The following CHRND variants were observed in gnomAD, a reference collection of about 807,000 sequenced individuals.
The protein encoded by CHRND is cholinergic receptor nicotinic delta subunit, also known as acetylcholine receptor subunit delta.
Under a neutral mutation model 57.8 loss-of-function variants are expected in CHRND, and 40 were observed. The ratio of observed to expected loss-of-function variants is 0.69; its 90% CI spans 0.54 to 0.90. The LOEUF (loss-of-function observed/expected upper bound fraction) is 0.90, where lower values mean the gene tolerates loss of function less well. Among genes scored for constraint, CHRND ranks in the 40% least tolerant of loss-of-function variants. The probability of loss-of-function intolerance (pLI) is 0.00; values close to 1 mark genes in which losing one functional copy is unlikely to be tolerated. For synonymous variants in CHRND, 237 were observed against 270.6 expected (o/e 0.88, Z 1.22); for missense variants, 634 against 673.9 (o/e 0.94, Z 0.66).
At chr2:232,532,771 G>A (rs1691752713) in intron 9 of CHRND, among the ~76,000 whole-genome samples, 1 of 152,204 alleles carries the variant, frequency 6.6e-6, no homozygotes, top group Non-Finnish European at 1.5e-5. Context: ...GGTACTGAGT[G>A]GGGGCAGGTG....
In CHRND at chr2:232,528,594, C is replaced by T. The variant is rs371097455; in HGVS notation, c.447C>T (p.Ser149=). 1 of 1,614,078 alleles carries T rather than the reference C, an allele frequency of 6.2e-7. No individual in the cohort carries two copies. The highest frequency in any genetic ancestry group is 1.3e-5 in the African/African-American group (1 of 74,926). ...GGCTGCCACCTGCCATCTTCCGCTC[C>T]TCCTGCCCCATCTCTGTCACCTATT... ...VYWLPPAIFR[S]SCPISVTYFP... is the part of the protein sequence containing the mutation. Residue 149 remains serine, a synonymous_variant, in exon 5 of 12, where the codon TCC becomes TCT. Coordinates refer to ENST00000258385, the MANE Select transcript of CHRND (RefSeq NM_000751.3).
Position 232,531,536 on chromosome 2 carries a change from C to G in CHRND, c.933-6C>G, listed in dbSNP as rs920100609. 5.0e-6 allele frequency: 8 copies of G among 1,614,076 alleles called. No individual in the cohort carries two copies. Among genetic ancestry groups the G allele is most frequent in the Admixed American group, 1.7e-5 (1 of 60,014 alleles). On this transcript the variant is annotated splice_region_variant and splice_polypyrimidine_tract_variant and intron_variant, in intron 8 of 11. Coordinates refer to ENST00000258385, the MANE Select transcript of CHRND (RefSeq NM_000751.3). ...TGGGAGCTCCAAGCTGAGTGTTTGC[C>G]CACAGGTTCCTGCTCTTCGGCATGG...
intron 6 of CHRND, 35 bp from the exon 7 acceptor site, chr2:232,529,904 G>A (rs1691618606): frequency 5.0e-6 from 8 of 1,610,948 alleles, no homozygotes; most frequent in Non-Finnish European, 6.8e-6. Flanking sequence ...CCCTTGGCCT[G>A]GCCTGACCCT....
chr2:232,527,527 G>C, intron 3 of CHRND, 82 bp downstream of exon 3: 7 of 997,732 alleles, frequency 7.0e-6, no homozygotes, highest in Non-Finnish European at 1.1e-5. Flanking sequence ...GGTGGATCAC[G>C]AGGTCAGGAG....
At chr2:232,534,577 C>A (rs1371421249) in intron 11 of CHRND, among the ~76,000 whole-genome samples, 1 of 152,110 alleles carries the variant, frequency 6.6e-6, no homozygotes, top group Non-Finnish European at 1.5e-5. Context: ...CCTGTCCAGG[C>A]CACACTCTGA....
Position 232,535,670 on chromosome 2 carries a change from G to A in CHRND, c.*358G>A. 1 of 485,346 alleles carries A rather than the reference G, an allele frequency of 2.1e-6. No individual in the cohort carries two copies. Among genetic ancestry groups the A allele is most frequent in the Non-Finnish European group, 4.0e-6 (1 of 248,228 alleles). The allele number at this position is 485,346 out of a possible 1,614,324, so 30.1% of individuals were successfully genotyped here. A position where few individuals can be genotyped will look rare whatever the true frequency, so the allele number is the denominator to read the frequency against. ...CTGCTTCTCCTCCCCCAAGGTGTGG[G>A]GTAGAGCAGGCAGGAATCTGCGCCT... On this transcript the variant is annotated 3_prime_UTR_variant, in exon 12 of 12. Transcript: ENST00000258385.
At chr2:232,529,525 C>T (rs1691606337) in intron 6 of CHRND, among the ~76,000 whole-genome samples, 1 of 152,196 alleles carries the variant, frequency 6.6e-6, no homozygotes, top group Non-Finnish European at 1.5e-5. Context: ...TCCCCAAGGC[C>T]CAGGCCGAGG....
chr2:232,531,293 C>A, intron 7 of CHRND, 59 bp from the exon 8 acceptor site: 2 of 941,652 alleles, frequency 2.1e-6, no homozygotes, highest in South Asian at 1.7e-5. Context: ...GCCCCAAGGT[C>A]ACAGCTGGAC....
At chr2:232,531,946 CAAAAAAAAAA>C (rs778006115) in intron 9 of CHRND, among the ~76,000 whole-genome samples, 17 of 46,064 alleles carry the variant, frequency 3.7e-4, no homozygotes, top group African/African-American at 1.4e-3. Flanking sequence ...GACCTTGTCT[CAAAAAAAAAA>C]AAAAAAAAAA....
rs774771779 is a variant in CHRND at position 232,526,608 on chromosome 2, C to T, written c.132C>T (p.Pro44=). Residue 44 remains proline, a synonymous_variant, in exon 2 of 12, where the codon CCC becomes CCT. Coordinates refer to ENST00000258385, the MANE Select transcript of CHRND (RefSeq NM_000751.3). ...AGGGCTACAACAAGGAGCTCCGGCC[C>T]GTGGCACACAAAGAGGAGAGTGTGG... ...QEKGYNKELR[P]VAHKEESVDV... The T allele has an allele frequency of 1.1e-5, 17 of 1,613,714 alleles. No homozygotes were observed. The highest frequency in any genetic ancestry group is 2.2e-5 in the East Asian group (1 of 44,892).
rs1416558563 is a variant in CHRND at position 232,530,042 on chromosome 2, C to G, written c.723C>G (p.Ile241Met). The change falls in exon 7 of 12, where the codon ATC becomes ATG. Residue 241 changes from isoleucine (I) to methionine (M), a missense_variant. Physicochemically the swap from Ile to Met is conservative, Grantham distance 10. Coordinates refer to ENST00000258385, the MANE Select transcript of CHRND (RefSeq NM_000751.3). ...PSRQDITFYL[I>M]IRRKPLFYII... ...GCCAGGACATCACCTTCTACCTCAT[C>G]ATCCGCCGCAAGCCCCTCTTCTACA... 3 of 1,614,072 alleles carry G rather than the reference C, an allele frequency of 1.9e-6. No homozygotes were observed. In the Admixed American group the frequency reaches 5.0e-5, roughly 27 times the overall value.
Position 232,534,231 on chromosome 2 carries a change from C to T in CHRND, c.1260C>T (p.Pro420=). Residue 420 remains proline, a synonymous_variant, in exon 11 of 12, where the codon CCC becomes CCT. Coordinates refer to ENST00000258385, the MANE Select transcript of CHRND (RefSeq NM_000751.3). ...LARRLTTARR[P]PASSEQAQQE... is the part of the protein sequence containing the mutation. ...CTGGCCCCTCGTCTGTAGGCCGGCC[C>T]CCAGCAAGCTCTGAGCAGGCCCAGC... 6.2e-7 allele frequency: 1 copy of T among 1,614,206 alleles called. No individual in the cohort carries two copies. The highest frequency in any genetic ancestry group is 8.5e-7 in the Non-Finnish European group (1 of 1,180,046).
intron 11 of CHRND, 152 bp from the exon 12 acceptor site, chr2:232,534,978 C>T (rs947233955): frequency 4.7e-6 from 4 of 859,226 alleles, no homozygotes; most frequent in Non-Finnish European, 7.2e-6. Context: ...TGGGACCTTG[C>T]TGGGGACAAG....
chr2:232,526,308 T>G (rs756559731), intron 1 of CHRND, 41 bp downstream of exon 1: 6 of 1,600,114 alleles, frequency 3.7e-6, no homozygotes, highest in Non-Finnish European at 5.1e-6. Flanking sequence ...TCCCCCGTGA[T>G]GCTTACCCAG....
At chr2:232,526,969 C>T (rs191612755) in intron 2 of CHRND, among the ~76,000 whole-genome samples, 2 of 152,254 alleles carry the variant, frequency 1.3e-5, no homozygotes, top group East Asian at 3.9e-4. Flanking sequence ...TGATCAGGGC[C>T]CAGATGCCAC....
intron 2 of CHRND, 38 bp downstream of exon 2, chr2:232,526,712 A>C (rs754396587): frequency 6.2e-7 from 1 of 1,607,584 alleles, no homozygotes; most frequent in South Asian, 1.1e-5. Flanking sequence ...GAGGGAGGGC[A>C]GGGATGGCTT....
In CHRND at chr2:232,534,082, T is replaced by C. The variant is rs774443865; in HGVS notation, c.1199T>C (p.Met400Thr). Residue 400 changes from methionine to threonine, a missense_variant, in exon 10 of 12, where the codon ATG becomes ACG. Physicochemically the swap from Met to Thr is moderately conservative, Grantham distance 81. Transcript: ENST00000258385. The part of the protein sequence containing the change: ...YFLLKSRSDL[M>T]FEKQSERHGL... Reference sequence around the variant, plus strand: ...CTGCTCAAGTCCCGCAGTGACCTCATGTTCGAGAAGCAGTCAGAGCGGCAT... The same window carrying C: ...CTGCTCAAGTCCCGCAGTGACCTCACGTTCGAGAAGCAGTCAGAGCGGCAT... 3.1e-6 allele frequency: 5 copies of C among 1,614,098 alleles called. No individual in the cohort carries two copies. Among genetic ancestry groups the C allele is most frequent in the South Asian group, 1.1e-5 (1 of 91,084 alleles).
At chr2:232,534,182 G>T (rs376829594) in intron 10 of CHRND, 42 bp from the exon 11 acceptor site, 34 of 1,613,932 alleles carry the variant, frequency 2.1e-5, no homozygotes, top group Non-Finnish European at 2.6e-5. Context: ...TGGGAGGTGG[G>T]TGGAGGCAGG....
Position 232,529,999 on chromosome 2 carries a change from C to T in CHRND, c.680C>T (p.Pro227Leu). Residue 227 changes from proline (P) to leucine (L), a missense_variant, in exon 7 of 12, where the codon CCT becomes CTT. By Grantham distance (98) the Pro-to-Leu change is moderately conservative. Coordinates refer to ENST00000258385, the MANE Select transcript of CHRND (RefSeq NM_000751.3). ...AGGGTCAACGTGGACCCCAGAGCCC[C>T]TCTGGACAGCCCCAGCCGCCAGGAC... Reference protein sequence around the residue: ...PARVNVDPRAPLDSPSRQDIT... With the variant: ...PARVNVDPRALLDSPSRQDIT... 6.2e-7 allele frequency: 1 copy of T among 1,614,174 alleles called. No individual in the cohort carries two copies. Among genetic ancestry groups the T allele is most frequent in the Non-Finnish European group, 8.5e-7 (1 of 1,180,036 alleles).
Sources: allele counts gnomAD v4.1 joint callset (sites outside exome capture counted in the v4.1 genomes callset), GRCh38; gene constraint gnomAD v4.1.1; transcripts MANE v1.5; gene names NCBI Gene and HGNC (gene_info 2026-07-23, HGNC 2026-07-21).